Variants in UBE3D observed in about 807,000 individuals in gnomAD.
UBE3D encodes the protein E3 ubiquitin-protein ligase E3D.
Under a neutral mutation model 49.6 loss-of-function variants are expected in UBE3D, and 48 were observed. That is an observed-to-expected ratio of 0.97 (90% CI 0.77 to 1.23). UBE3D has a LOEUF of 1.23. Among genes scored for constraint, UBE3D ranks in the 50% most tolerant of loss-of-function variants. UBE3D has a pLI of 0.00. For missense variants in UBE3D, 452 were observed against 468.4 expected, an observed-to-expected ratio of 0.96 and a Z score of 0.32; for synonymous variants, 189 against 174.2, an observed-to-expected ratio of 1.08 and a Z score of -0.67.
chr6:82,890,658 T>C (rs1262931190), downstream of UBE3D, among the ~76,000 whole-genome samples: 4 of 152,164 alleles, frequency 2.6e-5, no homozygotes, highest in Admixed American at 6.5e-5. Context: ...CCCCACACTA[T>C]GCCATCAGAA....
intron 9 of UBE3D, among the ~76,000 whole-genome samples, chr6:82,937,768 G>A (rs958512907): frequency 6.6e-6 from 1 of 152,100 alleles, no homozygotes; most frequent in Non-Finnish European, 1.5e-5. Flanking sequence ...GGGAAATTAC[G>A]GGCTGTCAGA....
Position 83,038,469 on chromosome 6 carries a change from G to A in UBE3D, c.614C>T (p.Thr205Ile). The A allele has an allele frequency of 4.3e-6, 7 of 1,610,240 alleles. No individual in the cohort carries two copies. The Admixed American group carries it at 1.2e-4, about 27-fold the overall frequency. The change falls in exon 5 of 10, where the codon ACC becomes ATC. Residue 205 changes from threonine (T) to isoleucine (I), a missense_variant. Thr to Ile is a moderately conservative substitution (Grantham distance 89). Coordinates refer to ENST00000369747, the MANE Select transcript of UBE3D (RefSeq NM_198920.3). Reference protein sequence around the residue: ...NHCKLEPKANTKVICKRCKVM... With the variant: ...NHCKLEPKANIKVICKRCKVM... ...CTTGCAACGCTTACAAATTACTTTG[G>A]TATTTGCCTTTGGTTCCTGTAGAAC... is the stretch of plus-strand genomic sequence containing the variant.
chr6:82,922,186 G>A lies in UBE3D; in HGVS notation c.1150-29144C>T, dbSNP rs183598637. Among the ~76,000 whole-genome samples, 444 of 152,208 alleles carry A rather than the reference G, an allele frequency of 2.9e-3. 3 individuals carry two copies. Among genetic ancestry groups the A allele is most frequent in the African/African-American group, 9.8e-3 (409 of 41,568 alleles). On this transcript the variant is annotated intron_variant, in intron 9 of 9. Transcript: ENST00000369747. ...AAATGGACAAATCCCTAGGAAAACA[G>A]AAATTATTGAAACTTATTCCAGAAT...
chr6:82,942,978 C>G (rs1427701486), intron 9 of UBE3D, among the ~76,000 whole-genome samples: 2 of 152,206 alleles, frequency 1.3e-5, no homozygotes, highest in South Asian at 2.1e-4. Context: ...CAACACCAGC[C>G]CATGAAAGCA....
intron 8 of UBE3D, among the ~76,000 whole-genome samples, chr6:83,002,153 T>A (rs1351352610): frequency 6.6e-6 from 1 of 152,184 alleles, no homozygotes; most frequent in East Asian, 1.9e-4. Context: ...TTTCCTGGAA[T>A]AGGGGTGGAG....
rs1401985084 is a variant in UBE3D, at chr6:83,038,432, T to C, written c.651A>G (p.Gly217=). ...VICKRCKVML[G]ETVSSETTKF... is the part of the protein sequence containing the mutation. ...AATTCTTACCTGATGACACGGTCTC[T>C]CCCAACATTACCTTGCAACGCTTAC... The change falls in exon 5 of 10, where the codon GGA becomes GGG. Residue 217 remains glycine, a synonymous_variant. Coordinates refer to ENST00000369747, the MANE Select transcript of UBE3D (RefSeq NM_198920.3). 6.2e-7 allele frequency: 1 copy of C among 1,612,358 alleles called. No homozygotes were observed. The highest frequency in any genetic ancestry group is 1.3e-5 in the African/African-American group (1 of 75,018).
intron 8 of UBE3D, among the ~76,000 whole-genome samples, chr6:82,976,175 C>T (rs977925548): frequency 6.6e-6 from 1 of 152,150 alleles, no homozygotes; most frequent in African/African-American, 2.4e-5. Context: ...CTTTGGAGAT[C>T]GGTGTCCAAC....
chr6:82,970,315 A>C (rs903340315), intron 8 of UBE3D, among the ~76,000 whole-genome samples: 2 of 151,790 alleles, frequency 1.3e-5, no homozygotes, highest in Non-Finnish European at 2.9e-5. Context: ...AACTCTAAAA[A>C]ACTACCACAA....
intron 8 of UBE3D, among the ~76,000 whole-genome samples, chr6:83,004,398 A>C (rs1164712446): frequency 6.6e-6 from 1 of 152,198 alleles, no homozygotes; most frequent in African/African-American, 2.4e-5. Context: ...TTTGTCAGTA[A>C]CATACTGACT....
chr6:82,931,456 A>C (rs925328718), intron 9 of UBE3D, among the ~76,000 whole-genome samples: 3 of 152,202 alleles, frequency 2.0e-5, no homozygotes, highest in African/African-American at 7.2e-5. Context: ...CAGACACTCA[A>C]CACCAGCCCA....
At chr6:82,912,626 T>C (rs1004399775) in intron 9 of UBE3D, among the ~76,000 whole-genome samples, 4 of 152,304 alleles carry the variant, frequency 2.6e-5, no homozygotes, top group East Asian at 1.9e-4. Flanking sequence ...TGGAAAGTTA[T>C]ATGATGTTTT....
downstream of UBE3D, among the ~76,000 whole-genome samples, chr6:82,889,823 G>A (rs934644220): frequency 6.6e-6 from 1 of 151,730 alleles, no homozygotes; most frequent in Non-Finnish European, 1.5e-5. Context: ...AAATGTAGTA[G>A]ATGTTCTAAA....
chr6:82,950,449 T>G (rs977345515), intron 9 of UBE3D, among the ~76,000 whole-genome samples: 2 of 151,986 alleles, frequency 1.3e-5, no homozygotes, highest in African/African-American at 4.8e-5. Context: ...TGAAGAACAG[T>G]TTGGAGGTTC....
At chr6:83,004,256 G>A (rs1779821213) in intron 8 of UBE3D, among the ~76,000 whole-genome samples, 2 of 152,118 alleles carry the variant, frequency 1.3e-5, no homozygotes, top group South Asian at 4.2e-4. Context: ...ACTACCAGGA[G>A]AATTTCTCTT....
intron 8 of UBE3D, among the ~76,000 whole-genome samples, chr6:82,996,335 TAAATAAATAAATA>T: frequency 6.6e-6 from 1 of 150,626 alleles, no homozygotes; most frequent in South Asian, 2.1e-4. Context: ...AATAAATAAA[TAAATAAATAAATA>T]AATAAATAAA....
chr6:82,959,109 C>A (rs1582468657), intron 8 of UBE3D, among the ~76,000 whole-genome samples: 2 of 151,636 alleles, frequency 1.3e-5, no homozygotes, highest in East Asian at 3.9e-4. Flanking sequence ...CCAGAGGAAT[C>A]TTGATCGCTT....
chr6:82,970,155 A>G (rs1247928788), intron 8 of UBE3D, among the ~76,000 whole-genome samples: 1 of 149,502 alleles, frequency 6.7e-6, no homozygotes, highest in East Asian at 1.9e-4. Flanking sequence ...CAATTTAAGG[A>G]CAGAAAAATT....
chr6:83,039,777 G>A (rs112242905), intron 4 of UBE3D, among the ~76,000 whole-genome samples: 1,625 of 152,142 alleles, frequency 0.011, 33 homozygotes, highest in African/African-American at 0.037. Context: ...CCTAGTAGCT[G>A]GGATTACAGG....
chr6:82,889,654 A>G (rs1050320907), downstream of UBE3D, among the ~76,000 whole-genome samples: 2 of 152,082 alleles, frequency 1.3e-5, no homozygotes, highest in Non-Finnish European at 2.9e-5. Flanking sequence ...TTCTTAACCC[A>G]TCTTTGTCTT....
Sources: allele counts gnomAD v4.1 joint callset (sites outside exome capture counted in the v4.1 genomes callset), GRCh38; gene constraint gnomAD v4.1.1; transcripts MANE v1.5; gene names NCBI Gene and HGNC (gene_info 2026-07-23, HGNC 2026-07-21).